GSE1: variants seen among roughly 807,000 people sequenced by gnomAD.
GSE1 encodes the protein genetic suppressor element 1.
A neutral mutation model predicts 112.6 loss-of-function variants in GSE1; 32 were observed. That is an observed-to-expected ratio of 0.28 (90% CI 0.21 to 0.38). GSE1 has a LOEUF of 0.38. Among genes scored for constraint, GSE1 ranks in the 10% least tolerant of loss-of-function variants. The pLI is 1.00. For synonymous variants in GSE1, 1,115 were observed against 735.6 expected, an observed-to-expected ratio of 1.52 and a Z score of -8.35; for missense variants, 2,348 against 1,699.2, an observed-to-expected ratio of 1.38 and a Z score of -6.71.
intron 1 of GSE1, among the ~76,000 whole-genome samples, chr16:85,246,124 G>A (rs1368649939): frequency 6.6e-6 from 1 of 150,992 alleles, no homozygotes; most frequent in African/African-American, 2.4e-5. Flanking sequence ...ACTAGCACCC[G>A]TGTTTTCCTG....
intron 1 of GSE1, among the ~76,000 whole-genome samples, chr16:85,323,929 T>C (rs2151503746): frequency 6.6e-6 from 1 of 152,320 alleles, no homozygotes; most frequent in East Asian, 1.9e-4. Flanking sequence ...AGCCCGAATC[T>C]GCCTTGAGCC....
intron 1 of GSE1, chr16:85,593,456 A>T (rs74031868): frequency 0.12 from 19,031 of 152,314 alleles, 3,902 homozygotes; most frequent in African/African-American, 0.43. Flanking sequence ...GTCATCATTC[A>T]GGGGCAGCCT....
At chr16:85,239,659 C>G (rs1489584881) in intron 1 of GSE1, among the ~76,000 whole-genome samples, 1 of 152,238 alleles carries the variant, frequency 6.6e-6, no homozygotes, top group African/African-American at 2.4e-5. Flanking sequence ...GGCCCCACGG[C>G]TCCCAGCTCC....
chr16:85,341,275 G>C (rs2046618959), intron 1 of GSE1, among the ~76,000 whole-genome samples: 1 of 151,950 alleles, frequency 6.6e-6, no homozygotes, highest in African/African-American at 2.4e-5. Flanking sequence ...CTGCAGCCTT[G>C]ACCTCCTGGC....
intron 1 of GSE1, among the ~76,000 whole-genome samples, chr16:85,210,220 T>C (rs2075201277): frequency 6.6e-6 from 1 of 152,200 alleles, no homozygotes; most frequent in African/African-American, 2.4e-5. Flanking sequence ...TTCTGGAAAT[T>C]TGTCCTAAAG....
chr16:85,393,449 G>C lies in GSE1; in HGVS notation c.2464+35806G>C, dbSNP rs746048830. ...CCTGATGGGAGAAATGTCTGATGTC[G>C]TTACAGCTCCGTCTCACACAGTACC... On this transcript the variant is annotated intron_variant, in intron 2 of 2. Transcript: ENST00000637419. Among the ~76,000 whole-genome samples the C allele has an allele frequency of 2.0e-5, 3 of 151,802 alleles. No homozygotes were observed. The South Asian group carries it at 6.2e-4, about 31-fold the overall frequency.
chr16:85,511,372 C>T (rs1225964795), intron 2 of GSE1, among the ~76,000 whole-genome samples: 2 of 152,032 alleles, frequency 1.3e-5, no homozygotes, highest in Admixed American at 6.6e-5. Context: ...ACTAAAAATA[C>T]AAAAAATCAG....
At chr16:85,635,752 C>T (rs934734963) in intron 2 of GSE1, among the ~76,000 whole-genome samples, 19 of 152,352 alleles carry the variant, frequency 1.2e-4, no homozygotes, top group African/African-American at 4.3e-4. Context: ...GTTATCCTTG[C>T]ATCCTGCTTT....
At chr16:85,424,502 T>C (rs1180376477) in intron 2 of GSE1, among the ~76,000 whole-genome samples, 4 of 152,202 alleles carry the variant, frequency 2.6e-5, no homozygotes, top group African/African-American at 9.6e-5. Flanking sequence ...CCGCCAGCCA[T>C]GCCTCTAGCC....
upstream of GSE1, among the ~76,000 whole-genome samples, chr16:85,554,648 G>A (rs1306555973): frequency 6.6e-6 from 1 of 152,194 alleles, no homozygotes; most frequent in East Asian, 1.9e-4. Context: ...GCCGGCCGGC[G>A]TGTGCGTTGC....
chr16:85,614,058 C>G (rs560463671), intron 1 of GSE1, among the ~76,000 whole-genome samples: 39 of 151,160 alleles, frequency 2.6e-4, no homozygotes, highest in Admixed American at 8.5e-4. Flanking sequence ...TCTCTCCCCC[C>G]ACCCCCGGCG....
At chr16:85,351,998 A>C (rs1438899416) in intron 1 of GSE1, among the ~76,000 whole-genome samples, 3 of 131,846 alleles carry the variant, frequency 2.3e-5, no homozygotes, top group African/African-American at 9.5e-5. Context: ...TCAAAACAAA[A>C]ACAAACAAAA....
At chr16:85,639,716 GTC>G (rs2050288092) in intron 2 of GSE1, among the ~76,000 whole-genome samples, 1 of 152,262 alleles carries the variant, frequency 6.6e-6, no homozygotes, top group Non-Finnish European at 1.5e-5. Flanking sequence ...CCTGCCCAGT[GTC>G]TCTGCAGAGG....
intron 1 of GSE1, among the ~76,000 whole-genome samples, chr16:85,599,249 G>A (rs750257311): frequency 3.9e-5 from 6 of 152,252 alleles, no homozygotes; most frequent in Non-Finnish European, 8.8e-5. Flanking sequence ...TTTGGAGAGA[G>A]AGGCGGGGGA....
At chr16:85,334,085 C>T (rs919915027) in intron 1 of GSE1, among the ~76,000 whole-genome samples, 1 of 152,230 alleles carries the variant, frequency 6.6e-6, no homozygotes, top group Non-Finnish European at 1.5e-5. Flanking sequence ...AGCCACTCCC[C>T]TGCTCCTGCC....
intron 1 of GSE1, among the ~76,000 whole-genome samples, chr16:85,615,818 G>T (rs1485887805): frequency 6.6e-6 from 1 of 152,236 alleles, no homozygotes; most frequent in Non-Finnish European, 1.5e-5. Flanking sequence ...TTAAGCCACA[G>T]CCTCTGGGTT....
At chr16:85,387,794 A>G (rs2047719895) in intron 2 of GSE1, among the ~76,000 whole-genome samples, 1 of 152,256 alleles carries the variant, frequency 6.6e-6, no homozygotes, top group African/African-American at 2.4e-5. Context: ...GTGATCAGTA[A>G]GTACTTATTG....
Position 85,496,952 on chromosome 16 carries a change from G to A in GSE1, c.2465-136962G>A, listed in dbSNP as rs941951997. 4.6e-5 allele frequency among the ~76,000 whole-genome samples: 7 copies of A among 151,640 alleles called. 1 individual carries two copies. Among genetic ancestry groups the A allele is most frequent in the Non-Finnish European group, 8.8e-5 (6 of 67,936 alleles). On this transcript the variant is annotated intron_variant, in intron 2 of 2. Coordinates refer to the GSE1 transcript ENST00000637419. ...CTCACTCTGTCATCCAGGCTGGAGT[G>A]CAGTGGCTCTATCTCGGCTCATTGC...
intron 2 of GSE1, among the ~76,000 whole-genome samples, chr16:85,478,108 A>T (rs1406596327): frequency 6.6e-6 from 1 of 152,090 alleles, no homozygotes; most frequent in Non-Finnish European, 1.5e-5. Flanking sequence ...CATTTCAGAG[A>T]AATGGACCTC....
Sources: allele counts gnomAD v4.1 joint callset (sites outside exome capture counted in the v4.1 genomes callset), GRCh38; gene constraint gnomAD v4.1.1; transcripts MANE v1.5; gene names NCBI Gene and HGNC (gene_info 2026-07-23, HGNC 2026-07-21).